The following RUNX3 variants were observed in gnomAD, a reference collection of about 807,000 sequenced individuals.
RUNX3 encodes the protein runt-related transcription factor 3.
In RUNX3, 10 loss-of-function variants were observed where a neutral mutation model predicts 27.7. The observed-to-expected ratio is 0.36, with a 90% CI of 0.22 to 0.61. RUNX3 has a LOEUF of 0.61. RUNX3 is among the 20% of genes least tolerant of loss of function. RUNX3 has a pLI of 0.72. For synonymous variants in RUNX3, 270 were observed against 269.2 expected, an observed-to-expected ratio of 1.00 and a Z score of -0.03; for missense variants, 469 against 629.5, an observed-to-expected ratio of 0.75 and a Z score of 2.73.
At chr1:24,940,770 A>G (rs1193298527) in intron 2 of RUNX3, among the ~76,000 whole-genome samples, 1 of 151,082 alleles carries the variant, frequency 6.6e-6, no homozygotes, top group Non-Finnish European at 1.5e-5. Context: ...GGTCCCCACC[A>G]CTTGCCACCT....
At chr1:24,957,814 A>G (rs1040824434) in intron 2 of RUNX3, among the ~76,000 whole-genome samples, 1 of 152,250 alleles carries the variant, frequency 6.6e-6, no homozygotes, top group Non-Finnish European at 1.5e-5. Context: ...AGAAAATGAA[A>G]CACAGAGAGG....
chr1:24,964,957 C>T (rs78666056), exon 1 of RUNX3: 5,768 of 295,796 alleles, frequency 0.019, 306 homozygotes, highest in African/African-American at 0.12. Context: ...GGAGGAGCTC[C>T]GAAGCTGACA....
intron 2 of RUNX3, among the ~76,000 whole-genome samples, chr1:24,958,661 A>G (rs532715323): frequency 1.3e-5 from 2 of 152,256 alleles, no homozygotes; most frequent in East Asian, 3.9e-4. Context: ...GCTAAAGGCA[A>G]TCTTTCTTCC....
chr1:24,910,019 C>T (rs1640766418), intron 3 of RUNX3, among the ~76,000 whole-genome samples: 1 of 152,204 alleles, frequency 6.6e-6, no homozygotes, highest in South Asian at 2.1e-4. Flanking sequence ...GGCATGGTGG[C>T]TACGCCTGTA....
At chr1:24,956,976 C>T (rs1641949211) in intron 2 of RUNX3, among the ~76,000 whole-genome samples, 1 of 152,194 alleles carries the variant, frequency 6.6e-6, no homozygotes, top group Non-Finnish European at 1.5e-5. Flanking sequence ...AAGGGACCTG[C>T]ATTTACAAAA....
chr1:24,931,935 C>T (rs544191709), upstream of RUNX3, among the ~76,000 whole-genome samples: 91 of 152,362 alleles, frequency 6.0e-4, no homozygotes, highest in African/African-American at 2.1e-3. Context: ...CGCGCTGGCA[C>T]GAGCAGCAGA....
At chr1:24,941,410 G>A (rs974205867) in intron 2 of RUNX3, among the ~76,000 whole-genome samples, 6 of 152,198 alleles carry the variant, frequency 3.9e-5, no homozygotes, top group African/African-American at 9.7e-5. Context: ...AGTAACTAGC[G>A]TTATGTACAC....
intron 2 of RUNX3, among the ~76,000 whole-genome samples, chr1:24,953,212 A>G (rs1641812859): frequency 6.6e-6 from 1 of 152,014 alleles, no homozygotes; most frequent in South Asian, 2.1e-4. Flanking sequence ...TAAAAATACA[A>G]AAATTAGCCA....
intron 2 of RUNX3, among the ~76,000 whole-genome samples, chr1:24,947,532 G>T (rs1641639033): frequency 6.6e-6 from 1 of 152,202 alleles, no homozygotes; most frequent in South Asian, 2.1e-4. Flanking sequence ...GTCTTTGAGG[G>T]GTTGGAGTGG....
In RUNX3 at chr1:24,902,736, C is replaced by T; in HGVS notation, c.704-70G>A. On this transcript the variant is annotated intron_variant, in intron 4 of 4. Coordinates refer to ENST00000308873, the MANE Select transcript of RUNX3 (RefSeq NM_004350.3). The surrounding 1 kb of genome is among the most constrained non-coding windows in gnomAD (Gnocchi z 9.2). ...CCAGGAGGGCTTCCTGAAGAATGAC[C>T]TTGGGCTCTGGTTCCCAAGGCCCAT... The T allele has an allele frequency of 1.5e-6, 2 of 1,371,836 alleles. No homozygotes were observed. Among genetic ancestry groups the T allele is most frequent in the Non-Finnish European group, 9.8e-7 (1 of 1,024,306 alleles). 85.0% of individuals were successfully genotyped at this position (1,371,836 alleles called of 1,614,324 possible). A position where few individuals can be genotyped will look rare whatever the true frequency, so the allele number is the denominator to read the frequency against.
At chr1:24,940,236 C>G (rs1641445114) in intron 2 of RUNX3, among the ~76,000 whole-genome samples, 1 of 152,132 alleles carries the variant, frequency 6.6e-6, no homozygotes, top group East Asian at 1.9e-4. Context: ...GGATATTGTG[C>G]AGGGAGTTCG....
intron 2 of RUNX3, among the ~76,000 whole-genome samples, chr1:24,952,003 G>A (rs558887813): frequency 2.0e-4 from 30 of 152,262 alleles, no homozygotes; most frequent in African/African-American, 5.1e-4. Flanking sequence ...CAAAGGTATG[G>A]AAAACACTTA....
chr1:24,940,348 A>G (rs1220831930), intron 2 of RUNX3, among the ~76,000 whole-genome samples: 1 of 152,150 alleles, frequency 6.6e-6, no homozygotes, highest in Non-Finnish European at 1.5e-5. Flanking sequence ...GCAGAGCTCC[A>G]TTTCTGAGCC....
intron 2 of RUNX3, among the ~76,000 whole-genome samples, chr1:24,956,261 G>A (rs528161367): frequency 8.8e-4 from 134 of 152,354 alleles, no homozygotes; most frequent in Admixed American, 3.6e-3. Context: ...GGGTGGGACT[G>A]CCTCTTCCTC....
At chr1:24,957,641 G>C (rs1023512635) in intron 2 of RUNX3, among the ~76,000 whole-genome samples, 2 of 152,236 alleles carry the variant, frequency 1.3e-5, no homozygotes, top group African/African-American at 4.8e-5. Context: ...CAGACAGAAG[G>C]CTTTTGCAGA....
chr1:24,913,955 G>A (rs916384939), intron 3 of RUNX3, among the ~76,000 whole-genome samples: 2 of 152,204 alleles, frequency 1.3e-5, no homozygotes, highest in East Asian at 1.9e-4. Context: ...CATGCATGTC[G>A]TCTCCAAGGG....
chr1:24,909,455 C>G (rs1640755938), intron 3 of RUNX3, among the ~76,000 whole-genome samples: 1 of 152,160 alleles, frequency 6.6e-6, no homozygotes, highest in Non-Finnish European at 1.5e-5. Flanking sequence ...AGTAGCACAC[C>G]TTGGAGCTCA....
chr1:24,960,108 A>G lies in RUNX3; in HGVS notation c.58+4406T>C, dbSNP rs183674975. On this transcript the variant is annotated intron_variant, in intron 2 of 6. Coordinates refer to the RUNX3 transcript ENST00000338888. ...AACTCACAGCCCTGGTTCTTCTCCCAAAAAACCTTTGTCACGCCCCAGGGC... is the reference window on the plus strand; with the variant it reads ...AACTCACAGCCCTGGTTCTTCTCCCGAAAAACCTTTGTCACGCCCCAGGGC... Among the ~76,000 whole-genome samples, 817 of 152,296 alleles carry G rather than the reference A, an allele frequency of 5.4e-3. 2 individuals carry two copies. Among genetic ancestry groups the G allele is most frequent in the Non-Finnish European group, 7.2e-3 (490 of 68,020 alleles).
intron 2 of RUNX3, among the ~76,000 whole-genome samples, chr1:24,924,520 G>T (rs902362652): frequency 2.6e-5 from 4 of 151,384 alleles, no homozygotes; most frequent in South Asian, 2.1e-4. Flanking sequence ...TTGCCAACAG[G>T]TGTTGACAAC....
Sources: allele counts gnomAD v4.1 joint callset (sites outside exome capture counted in the v4.1 genomes callset), GRCh38; gene constraint gnomAD v4.1.1; non-coding constraint Gnocchi (gnomAD v3.1); transcripts MANE v1.5; gene names NCBI Gene and HGNC (gene_info 2026-07-23, HGNC 2026-07-21).